The following WDFY4 variants were observed in gnomAD, a reference collection of about 807,000 sequenced individuals.
The protein encoded by WDFY4 is WD repeat- and FYVE domain-containing protein 4.
WDFY4 carries 169 observed loss-of-function variants against 351.9 expected under a neutral mutation model. That is an observed-to-expected ratio of 0.48 (90% CI 0.42 to 0.55). WDFY4 has a LOEUF of 0.55. WDFY4 is among the 20% of genes least tolerant of loss of function. The probability of loss-of-function intolerance (pLI) is 0.00; values close to 1 mark genes in which losing one functional copy is unlikely to be tolerated. For missense variants in WDFY4, 3,803 were observed against 3,935.6 expected (o/e 0.97, Z 0.90); for synonymous variants, 1,622 against 1,574.6 (o/e 1.03, Z -0.71).
At position 48,723,545 on chromosome 10, in the gene WDFY4, A is replaced by G. The variant is rs1360826128; in HGVS notation, c.569A>G (p.Gln190Arg). The change falls in exon 5 of 62, where the codon CAA becomes CGA. Residue 190 changes from glutamine (Q) to arginine (R), a missense_variant. This residue lies in a region of WDFY4 where 488 missense variants were observed against 456.8 expected (regional missense o/e 1.07). Transcript: ENST00000325239. ...GATGAGCTTCTTGAGAGTGATCTTC[A>G]AGTTCAAAAGATGTTCGTGCAGGTG... The part of the protein sequence containing the change: ...DKDELLESDL[Q>R]VQKMFVQMLL... 6.4e-7 allele frequency: 1 copy of G among 1,551,912 alleles called. No individual in the cohort carries two copies. The highest frequency in any genetic ancestry group is 2.0e-5 in the Admixed American group (1 of 51,008).
At chr10:48,722,134 G>T (rs1417930415) in intron 4 of WDFY4, among the ~76,000 whole-genome samples, 1 of 152,244 alleles carries the variant, frequency 6.6e-6, no homozygotes, top group East Asian at 1.9e-4. Flanking sequence ...GCTTGGAAGG[G>T]TGATAGGAGC....
chr10:48,821,038 C>G, intron 33 of WDFY4, 24 bp from the exon 34 acceptor site: 1 of 1,530,112 alleles, frequency 6.5e-7, no homozygotes, highest in Non-Finnish European at 8.9e-7. Context: ...TGGTTGCTGT[C>G]TCAGTCCCGG....
At chr10:48,771,165 A>G (rs1391550719) in intron 13 of WDFY4, among the ~76,000 whole-genome samples, 1 of 152,234 alleles carries the variant, frequency 6.6e-6, no homozygotes, top group African/African-American at 2.4e-5. Context: ...AAAACAATCT[A>G]GAAATTGTTG....
intron 41 of WDFY4, 108 bp downstream of exon 41, chr10:48,873,805 C>T: frequency 7.8e-7 from 1 of 1,274,486 alleles, no homozygotes; most frequent in Non-Finnish European, 1.1e-6. Context: ...TAAGATAACA[C>T]ATGCAGTTAA....
chr10:48,893,262 G>T (rs1372059063), intron 44 of WDFY4, among the ~76,000 whole-genome samples: 1 of 152,194 alleles, frequency 6.6e-6, no homozygotes, highest in African/African-American at 2.4e-5. Flanking sequence ...ACACCAGTCA[G>T]GTTGGATTTG....
At position 48,982,910 on chromosome 10, in the gene WDFY4, T is replaced by TTATTG; in HGVS notation, c.*342_*346dup. On this transcript the variant is annotated 3_prime_UTR_variant, in exon 62 of 62. Coordinates refer to ENST00000325239, the MANE Select transcript of WDFY4 (RefSeq NM_001394531.1). ...AAAAAGATGGGTCGCTTACTGGAAA[T>TTATTG]TATTGTATTGTCTTTATTTTATTAA... 2 of 377,642 alleles carry TTATTG rather than the reference T, an allele frequency of 5.3e-6. No individual in the cohort carries two copies. Among genetic ancestry groups the TTATTG allele is most frequent in the South Asian group, 4.1e-5 (2 of 48,478 alleles). The allele number at this position is 377,642 out of a possible 1,614,324, so 23.4% of individuals were successfully genotyped here. A position where few individuals can be genotyped will look rare whatever the true frequency, so the allele number is the denominator to read the frequency against.
At position 48,788,614 on chromosome 10, in the gene WDFY4, C is replaced by G. The variant is rs2066574630; in HGVS notation, c.3893C>G (p.Thr1298Ser). 2.6e-6 allele frequency: 4 copies of G among 1,551,804 alleles called. No individual in the cohort carries two copies. Among genetic ancestry groups the G allele is most frequent in the Non-Finnish European group, 3.5e-6 (4 of 1,147,006 alleles). The change falls in exon 21 of 62, where the codon ACC becomes AGC. Residue 1298 changes from threonine (T) to serine (S), a missense_variant. Around this residue, in one of 3 missense-constraint regions of WDFY4, gnomAD observed 3,054 missense variants for 3,148.6 expected, o/e 0.97. Transcript: ENST00000325239. ...CTTCACATAGCCAGCTCCTCTATCA[C>G]CAGTGTAGCGGACATCAGAAATGCT... Reference protein sequence around the residue: ...FGLHIASSSITSVADIRNAYN... With the variant: ...FGLHIASSSISSVADIRNAYN...
chr10:48,814,149 C>A, intron 31 of WDFY4, 67 bp downstream of exon 31: 1 of 1,447,218 alleles, frequency 6.9e-7, no homozygotes, highest in South Asian at 1.5e-5. Context: ...GGAAGGGTCA[C>A]CTTGACTTTT....
At chr10:48,786,050 T>C (rs78428723) in intron 19 of WDFY4, among the ~76,000 whole-genome samples, 7,588 of 152,262 alleles carry the variant, frequency 0.05, 659 homozygotes, top group African/African-American at 0.17. Flanking sequence ...GAATTTTCAG[T>C]ATACAGATCC....
At chr10:48,929,742 C>G (rs1229550558) in intron 47 of WDFY4, among the ~76,000 whole-genome samples, 1 of 152,194 alleles carries the variant, frequency 6.6e-6, no homozygotes, top group Non-Finnish European at 1.5e-5. Context: ...ATCTCAAACC[C>G]TGTCTGTCCC....
Position 48,776,987 on chromosome 10 carries a change from A to T in WDFY4, c.3098+3A>T. On this transcript the variant is annotated splice_donor_region_variant and intron_variant, in intron 16 of 61. Coordinates refer to ENST00000325239, the MANE Select transcript of WDFY4 (RefSeq NM_001394531.1). ...GACATGTCCGTGGAAGGTTATGGGTATGACAGGCTTTCACATATTTAAAAT... is the reference window on the plus strand; with the variant it reads ...GACATGTCCGTGGAAGGTTATGGGTTTGACAGGCTTTCACATATTTAAAAT... 1 of 1,546,702 alleles carries T rather than the reference A, an allele frequency of 6.5e-7. No homozygotes were observed.
intron 8 of WDFY4, among the ~76,000 whole-genome samples, chr10:48,730,471 A>C (rs2064421823): frequency 6.6e-6 from 1 of 152,208 alleles, no homozygotes; most frequent in Non-Finnish European, 1.5e-5. Context: ...GCTTTCTGAC[A>C]AAGTGTCTCC....
chr10:48,830,481 T>A (rs1171214574), intron 37 of WDFY4, among the ~76,000 whole-genome samples: 2 of 151,796 alleles, frequency 1.3e-5, no homozygotes, highest in Non-Finnish European at 2.9e-5. Context: ...CAGGTGGAGG[T>A]GGAGAAAGGC....
intron 17 of WDFY4, among the ~76,000 whole-genome samples, chr10:48,777,891 T>C (rs1007871985): frequency 3.3e-5 from 5 of 152,252 alleles, no homozygotes; most frequent in Admixed American, 1.3e-4. Context: ...AGGGACTCAA[T>C]TGACATTGAA....
At chr10:48,919,758 A>G (rs1838882961) in intron 47 of WDFY4, among the ~76,000 whole-genome samples, 1 of 152,206 alleles carries the variant, frequency 6.6e-6, no homozygotes, top group Non-Finnish European at 1.5e-5. Flanking sequence ...TAAATGCCTC[A>G]CTTTCTGATA....
intron 5 of WDFY4, among the ~76,000 whole-genome samples, chr10:48,725,353 C>T (rs548030846): frequency 1.9e-4 from 29 of 152,122 alleles, no homozygotes; most frequent in East Asian, 7.7e-4. Flanking sequence ...GGCCATGCTA[C>T]GGTGGTGGGA....
In WDFY4 at chr10:48,760,364, C is replaced by A. The variant is rs1322980120; in HGVS notation, c.2477C>A (p.Ala826Asp). The change falls in exon 13 of 62, where the codon GCT (alanine) becomes GAT (aspartate). Residue 826 changes from alanine (A) to aspartate (D), a missense_variant. Physicochemically the swap from Ala to Asp is moderately radical, Grantham distance 126. This residue lies in a region of WDFY4 where 3,054 missense variants were observed against 3,148.6 expected (regional missense o/e 0.97). Coordinates refer to ENST00000325239, the MANE Select transcript of WDFY4 (RefSeq NM_001394531.1). The stretch of plus-strand genomic sequence containing the variant: ...CTCTGCAGGATGGATGAGGGAGATG[C>A]TGCAATCATGCATCCCGGGGTCGTG... The part of the protein sequence containing the change: ...DLEERMDEGD[A>D]AIMHPGVVCI... 1.3e-6 allele frequency: 2 copies of A among 1,551,632 alleles called. No homozygotes were observed. Among genetic ancestry groups the A allele is most frequent in the African/African-American group, 1.4e-5 (1 of 73,168 alleles).
intron 39 of WDFY4, among the ~76,000 whole-genome samples, chr10:48,835,672 G>T (rs1469888057): frequency 6.6e-6 from 1 of 152,184 alleles, no homozygotes; most frequent in African/African-American, 2.4e-5. Flanking sequence ...TTTTGTAATT[G>T]CACACAACTA....
At chr10:48,865,727 T>C (rs776675956) in intron 39 of WDFY4, among the ~76,000 whole-genome samples, 2 of 152,198 alleles carry the variant, frequency 1.3e-5, no homozygotes, top group Non-Finnish European at 2.9e-5. Context: ...GTTTTGTTGT[T>C]GTTGTTGTTT....
Sources: allele counts gnomAD v4.1 joint callset (sites outside exome capture counted in the v4.1 genomes callset), GRCh38; gene constraint gnomAD v4.1.1; regional missense constraint gnomAD v4.1.1; transcripts MANE v1.5; gene names NCBI Gene and HGNC (gene_info 2026-07-23, HGNC 2026-07-21).